CEP135: variants seen among roughly 807,000 people sequenced by gnomAD.
The protein encoded by CEP135 is centrosomal protein of 135 kDa.
A neutral mutation model predicts 157.3 loss-of-function variants in CEP135; 142 were observed. The observed-to-expected ratio is 0.90, with a 90% CI of 0.79 to 1.04. The LOEUF is 1.04. CEP135 is among the 50% of genes least tolerant of loss of function. CEP135 has a pLI of 0.00. For synonymous variants in CEP135, 396 were observed against 439.8 expected, an observed-to-expected ratio of 0.90 and a Z score of 1.25; for missense variants, 1,317 against 1,309.2, an observed-to-expected ratio of 1.01 and a Z score of -0.09.
intron 13 of CEP135, among the ~76,000 whole-genome samples, chr4:55,982,558 T>C (rs1177062488): frequency 6.6e-6 from 1 of 152,210 alleles, no homozygotes; most frequent in Non-Finnish European, 1.5e-5. Context: ...TTATTGGCCA[T>C]TTTTATATCC....
intron 14 of CEP135, among the ~76,000 whole-genome samples, chr4:55,989,721 C>T (rs952090430): frequency 6.6e-6 from 1 of 152,078 alleles, no homozygotes; most frequent in African/African-American, 2.4e-5. Flanking sequence ...GATATTCTAC[C>T]TCAATAATGG....
rs765236551 is a variant in CEP135 at position 55,950,640 on chromosome 4, T to TA, written c.-45-1434dup. On this transcript the variant is annotated intron_variant, in intron 1 of 25. Coordinates refer to ENST00000257287, the MANE Select transcript of CEP135 (RefSeq NM_025009.5). ...TCTCTAAAAAAGGTAACAATTAAAATAAAAAAAAAAAAGAAATGCTCTTTG... is the reference window on the plus strand; with the variant it reads ...TCTCTAAAAAAGGTAACAATTAAAATAAAAAAAAAAAAAGAAATGCTCTTTG... Among the ~76,000 whole-genome samples, 1,030 of 133,414 alleles carry TA rather than the reference T, an allele frequency of 7.7e-3. 7 individuals carry two copies. Among genetic ancestry groups the TA allele is most frequent in the Admixed American group, 0.021 (280 of 13,456 alleles). 87.5% of individuals were successfully genotyped at this position (133,414 alleles called of 152,430 possible).
At chr4:55,949,833 G>C (rs1728305571) in intron 1 of CEP135, among the ~76,000 whole-genome samples, 1 of 152,190 alleles carries the variant, frequency 6.6e-6, no homozygotes, top group Admixed American at 6.5e-5. Flanking sequence ...GTTTCTATCT[G>C]GGAGGATTTT....
At chr4:55,956,776 A>T (rs1480495562) in intron 4 of CEP135, among the ~76,000 whole-genome samples, 1 of 152,104 alleles carries the variant, frequency 6.6e-6, no homozygotes, top group East Asian at 1.9e-4. Context: ...ACGCCCAGCT[A>T]ATTTTTTTGT....
intron 14 of CEP135, among the ~76,000 whole-genome samples, chr4:55,987,419 C>G (rs954359171): frequency 6.6e-6 from 1 of 152,200 alleles, no homozygotes; most frequent in Non-Finnish European, 1.5e-5. Context: ...CTGCCTTGGC[C>G]TTCTTTGACT....
At chr4:56,029,013 TATTA>T (rs1395545814) in intron 25 of CEP135, among the ~76,000 whole-genome samples, 4 of 152,192 alleles carry the variant, frequency 2.6e-5, no homozygotes, top group Non-Finnish European at 5.9e-5. Context: ...CATCACATTC[TATTA>T]ATTTGCTAGA....
intron 15 of CEP135, among the ~76,000 whole-genome samples, chr4:55,995,271 A>G (rs187597750): frequency 6.6e-6 from 1 of 152,308 alleles, no homozygotes; most frequent in Non-Finnish European, 1.5e-5. Flanking sequence ...TAAATAGACA[A>G]GAGTCAATAT....
At chr4:56,008,233 C>A in intron 17 of CEP135, 94 bp from the exon 18 acceptor site, 1 of 823,960 alleles carries the variant, frequency 1.2e-6, no homozygotes, top group Non-Finnish European at 2.0e-6. Flanking sequence ...TATAATTGAG[C>A]TGTGTATTTG....
Position 55,965,755 on chromosome 4 carries a change from A to T in CEP135, c.940A>T (p.Lys314Ter), listed in dbSNP as rs1728822488. 1 of 1,613,820 alleles carries T rather than the reference A, an allele frequency of 6.2e-7. No individual in the cohort carries two copies. Among genetic ancestry groups the T allele is most frequent in the African/African-American group, 1.3e-5 (1 of 74,914 alleles). The part of the protein sequence containing the change: ...EVVNLSNKNE[K>*]LCQELTEIDQ... ...CGTTAATTTAAGTAACAAAAATGAA[A>T]AACTCTGCCAAGAATTAACTGAAAT... Residue 314 changes from lysine (K) to a stop codon, truncating the protein, a stop_gained, in exon 8 of 26, where the codon AAA (lysine) becomes TAA (stop). Coordinates refer to ENST00000257287, the MANE Select transcript of CEP135 (RefSeq NM_025009.5). LOFTEE classifies it high-confidence loss of function.
chr4:55,979,101 A>G (rs1475999506), intron 11 of CEP135, among the ~76,000 whole-genome samples: 1 of 152,260 alleles, frequency 6.6e-6, no homozygotes, highest in East Asian at 1.9e-4. Flanking sequence ...TGGTATTGGC[A>G]TAACAGATGT....
chr4:55,996,599 C>A (rs1350218047), intron 15 of CEP135, among the ~76,000 whole-genome samples: 3 of 152,104 alleles, frequency 2.0e-5, no homozygotes, highest in African/African-American at 2.4e-5. Context: ...AATTTCTTTT[C>A]CCTCTCTGGC....
In CEP135 at chr4:55,968,119, A is replaced by T. The variant is rs554172411; in HGVS notation, c.1045-944A>T. On this transcript the variant is annotated intron_variant, in intron 8 of 25. Transcript: ENST00000257287. The stretch of plus-strand genomic sequence containing the variant: ...AGATGTTTTTCTATACACTAAGAAT[A>T]AACTATCCAAAAAGGAAATTAAGAA... Among the ~76,000 whole-genome samples, 3 of 152,366 alleles carry T rather than the reference A, an allele frequency of 2.0e-5. No homozygotes were observed. In the East Asian group the frequency reaches 5.8e-4, roughly 29 times the overall value.
chr4:55,953,426 G>T (rs769736077), intron 3 of CEP135, 151 bp downstream of exon 3: 66 of 526,808 alleles, frequency 1.3e-4, no homozygotes, highest in Non-Finnish European at 1.9e-4. Flanking sequence ...AGCTACTCGG[G>T]AGTTTAAGGT....
intron 23 of CEP135, among the ~76,000 whole-genome samples, chr4:56,019,876 T>C (rs969810997): frequency 2.6e-5 from 4 of 151,790 alleles, no homozygotes; most frequent in Non-Finnish European, 4.4e-5. Flanking sequence ...GAGGTGGAGG[T>C]TGCAGTGAGC....
Position 56,024,496 on chromosome 4 carries a change from A to G in CEP135, c.3321-5A>G, listed in dbSNP as rs1400961974. On this transcript the variant is annotated splice_polypyrimidine_tract_variant and splice_region_variant and intron_variant, in intron 24 of 25. Transcript: ENST00000257287. The stretch of plus-strand genomic sequence containing the variant: ...ATATCTCTCTTGTTTGATCTTTACT[A>G]ACAGAGAACGAGCAATCCAAGAGAT... The G allele has an allele frequency of 6.2e-7, 1 of 1,609,938 alleles. No homozygotes were observed. The highest frequency in any genetic ancestry group is 1.1e-5 in the South Asian group (1 of 90,972).
intron 21 of CEP135, among the ~76,000 whole-genome samples, chr4:56,016,128 A>G (rs1038428631): frequency 6.6e-6 from 1 of 152,102 alleles, no homozygotes; most frequent in African/African-American, 2.4e-5. Flanking sequence ...GGAGGCAGAG[A>G]TTGGAGTGAT....
At chr4:55,989,104 T>G (rs866867888) in intron 14 of CEP135, among the ~76,000 whole-genome samples, 1 of 152,194 alleles carries the variant, frequency 6.6e-6, no homozygotes, top group South Asian at 2.1e-4. Context: ...TATTCACTAA[T>G]TGTTTCTCAG....
intron 10 of CEP135, among the ~76,000 whole-genome samples, chr4:55,973,358 T>C (rs902714709): frequency 6.6e-6 from 1 of 152,240 alleles, no homozygotes; most frequent in Admixed American, 6.5e-5. Context: ...TGTTTTGCAC[T>C]GTCAATAAAC....
chr4:56,016,715 G>A (rs974077542), intron 21 of CEP135, among the ~76,000 whole-genome samples: 3 of 151,836 alleles, frequency 2.0e-5, no homozygotes, highest in African/African-American at 4.8e-5. Flanking sequence ...TTGCACCATC[G>A]GCCAGGCTGG....
Sources: gnomAD v4.1 joint callset for allele counts (sites outside exome capture counted in the v4.1 genomes callset) on GRCh38, gnomAD v4.1.1 for gene constraint, MANE v1.5 for transcripts, NCBI Gene and HGNC (gene_info 2026-07-23, HGNC 2026-07-21) for gene names.